The following NBEA variants were observed in gnomAD, a reference collection of about 807,000 sequenced individuals.
NBEA encodes the protein neurobeachin.
Under a neutral mutation model 343.4 loss-of-function variants are expected in NBEA, and 44 were observed. The ratio of observed to expected loss-of-function variants is 0.13; its 90% CI spans 0.10 to 0.16. The LOEUF is 0.16. NBEA is among the 10% of genes least tolerant of loss of function. The pLI is 1.00. For missense variants in NBEA, 2,555 were observed against 3,631.3 expected (o/e 0.70, Z 7.62); for synonymous variants, 1,175 against 1,238.7 (o/e 0.95, Z 1.08).
intron 10 of NBEA, among the ~76,000 whole-genome samples, chr13:35,071,560 C>T (rs542888876): frequency 6.6e-6 from 1 of 152,028 alleles, no homozygotes; most frequent in South Asian, 2.1e-4. Context: ...TTTGATTATA[C>T]ACATTGCCAT....
At chr13:35,590,865 A>G (rs567686918) in intron 46 of NBEA, among the ~76,000 whole-genome samples, 55 of 152,158 alleles carry the variant, frequency 3.6e-4, no homozygotes, top group African/African-American at 1.2e-3. Context: ...ACTCTCACCC[A>G]CCATACTCCC....
At chr13:35,151,126 A>G (rs1002470044) in intron 18 of NBEA, among the ~76,000 whole-genome samples, 7 of 151,430 alleles carry the variant, frequency 4.6e-5, no homozygotes, top group Non-Finnish European at 5.9e-5. Context: ...AAAAAAAAAA[A>G]AAAAGAAAAG....
At chr13:35,432,471 T>A (rs2152931010) in intron 39 of NBEA, 78 bp downstream of exon 39, 1 of 1,313,112 alleles carries the variant, frequency 7.6e-7, no homozygotes, top group East Asian at 2.6e-5. Context: ...CCTTCTTTTT[T>A]TTTCGCTAGT....
At chr13:35,124,472 A>G (rs2066972906) in intron 17 of NBEA, among the ~76,000 whole-genome samples, 2 of 150,372 alleles carry the variant, frequency 1.3e-5, no homozygotes, top group South Asian at 2.1e-4. Context: ...CCAGGATTGT[A>G]GAAAAGGATA....
chr13:35,168,395 A>G (rs2070204394), intron 24 of NBEA, among the ~76,000 whole-genome samples: 1 of 151,568 alleles, frequency 6.6e-6, no homozygotes, highest in African/African-American at 2.4e-5. Flanking sequence ...TTCAGGCCTC[A>G]TTTAGTATAT....
intron 1 of NBEA, among the ~76,000 whole-genome samples, chr13:34,969,211 T>G (rs2059920825): frequency 6.6e-6 from 1 of 152,054 alleles, no homozygotes; most frequent in Admixed American, 6.6e-5. Context: ...GGCCTGTGAC[T>G]AGGCAGGTTC....
chr13:35,136,051 A>G (rs1003594836), intron 17 of NBEA, among the ~76,000 whole-genome samples: 1 of 152,180 alleles, frequency 6.6e-6, no homozygotes, highest in African/African-American at 2.4e-5. Context: ...AATAAACATT[A>G]TATAGTAAAG....
chr13:35,303,316 T>C (rs2244758), intron 35 of NBEA, among the ~76,000 whole-genome samples: 32,730 of 152,006 alleles, frequency 0.22, 3,911 homozygotes, highest in African/African-American at 0.32. Flanking sequence ...TTTCATATCT[T>C]TGGCAATAAC....
At chr13:35,203,718 T>TGAAG (rs1566453038) in intron 31 of NBEA, among the ~76,000 whole-genome samples, 3 of 152,182 alleles carry the variant, frequency 2.0e-5, no homozygotes, top group Admixed American at 6.6e-5. Flanking sequence ...CTTACATGTA[T>TGAAG]TACTTATTAG....
In NBEA at chr13:35,565,978, C is replaced by T. The variant is rs562377847; in HGVS notation, c.6923-927C>T. Among the ~76,000 whole-genome samples the T allele has an allele frequency of 5.9e-5, 9 of 152,286 alleles. No individual in the cohort carries two copies. The East Asian group carries it at 9.6e-4, about 16-fold the overall frequency. ...TAGCTTCAGAGTACTTCTGTCCACT[C>T]GCAAATTCTCTGCATTCATTCTTGA... On this transcript the variant is annotated intron_variant, in intron 44 of 58. Coordinates refer to ENST00000379939, the MANE Select transcript of NBEA (RefSeq NM_001385012.1).
intron 43 of NBEA, among the ~76,000 whole-genome samples, chr13:35,552,440 T>C (rs1010130961): frequency 1.3e-5 from 2 of 152,190 alleles, no homozygotes; most frequent in Admixed American, 6.5e-5. Flanking sequence ...TAGTAGATAA[T>C]GAAGCACTTA....
intron 38 of NBEA, among the ~76,000 whole-genome samples, chr13:35,379,054 A>G (rs1248038279): frequency 6.6e-6 from 1 of 151,960 alleles, no homozygotes; most frequent in Non-Finnish European, 1.5e-5. Flanking sequence ...ATTATGAATA[A>G]TGTTGCTCTG....
chr13:35,110,184 C>T (rs1280467034), intron 12 of NBEA, among the ~76,000 whole-genome samples: 1 of 150,140 alleles, frequency 6.7e-6, no homozygotes, highest in East Asian at 2.0e-4. Context: ...TTAGGTATAT[C>T]TCCCAATGCT....
At chr13:35,236,548 G>A (rs569246387) in intron 34 of NBEA, among the ~76,000 whole-genome samples, 9 of 152,044 alleles carry the variant, frequency 5.9e-5, no homozygotes, top group African/African-American at 1.9e-4. Context: ...CTGGGTTCAC[G>A]CCATTCTCCT....
intron 8 of NBEA, among the ~76,000 whole-genome samples, chr13:35,060,225 A>T (rs1345016579): frequency 6.6e-6 from 1 of 151,884 alleles, no homozygotes; most frequent in Non-Finnish European, 1.5e-5. Flanking sequence ...ATCCAATATG[A>T]TTGCTAATGT....
At chr13:35,541,553 C>T (rs1050881855) in intron 41 of NBEA, among the ~76,000 whole-genome samples, 2 of 151,948 alleles carry the variant, frequency 1.3e-5, no homozygotes, top group African/African-American at 4.8e-5. Flanking sequence ...AGTTGGGCTT[C>T]GTAGTTAAGA....
intron 38 of NBEA, among the ~76,000 whole-genome samples, chr13:35,401,389 A>G (rs918768296): frequency 2.6e-5 from 4 of 152,204 alleles, no homozygotes; most frequent in African/African-American, 7.2e-5. Context: ...ATTACAAAGT[A>G]TAAATCAAAG....
chr13:35,004,343 G>A (rs1486352257), intron 1 of NBEA, among the ~76,000 whole-genome samples: 1 of 152,124 alleles, frequency 6.6e-6, no homozygotes, highest in Non-Finnish European at 1.5e-5. Context: ...AGGTCTTTGA[G>A]GAATTGCCAC....
intron 34 of NBEA, among the ~76,000 whole-genome samples, chr13:35,283,975 CAT>C (rs1444422777): frequency 2.0e-5 from 2 of 100,244 alleles, no homozygotes; most frequent in African/African-American, 3.4e-5. Context: ...TACTCATGCA[CAT>C]GTGTACACAG....
Sources: gnomAD v4.1 joint callset for allele counts (sites outside exome capture counted in the v4.1 genomes callset) on GRCh38, gnomAD v4.1.1 for gene constraint, MANE v1.5 for transcripts, NCBI Gene and HGNC (gene_info 2026-07-23, HGNC 2026-07-21) for gene names.